Variants in MAOB observed in about 807,000 individuals in gnomAD.
MAOB encodes the protein amine oxidase [flavin-containing] B.
Under a neutral mutation model 41.9 loss-of-function variants are expected in MAOB, and 15 were observed. The ratio of observed to expected loss-of-function variants is 0.36; its 90% CI spans 0.24 to 0.55. MAOB has a LOEUF of 0.55. Among genes scored for constraint, MAOB ranks in the 20% least tolerant of loss-of-function variants. The pLI is 0.86. For synonymous variants in MAOB, 167 were observed against 144.2 expected (o/e 1.16, Z -1.13); for missense variants, 345 against 398.7 (o/e 0.87, Z 1.15).
At chrX:43,800,246 T>C (rs1056412989) in intron 5 of MAOB, among the ~76,000 whole-genome samples, 1 of 111,120 alleles carries the variant, frequency 9.0e-6, no homozygotes, top group Non-Finnish European at 1.9e-5. Flanking sequence ...AAACATATGA[T>C]TGATTTTATC....
intron 7 of MAOB, among the ~76,000 whole-genome samples, chrX:43,795,422 G>A (rs765571645): frequency 2.4e-4 from 27 of 111,541 alleles, no homozygotes; most frequent in Non-Finnish European, 4.3e-4. Flanking sequence ...CCCAGAACTC[G>A]GTCGTTTTGG....
chrX:43,780,756 T>C (rs1486759821), intron 9 of MAOB, among the ~76,000 whole-genome samples: 1 of 111,649 alleles, frequency 9.0e-6, no homozygotes, highest in Admixed American at 9.5e-5. Flanking sequence ...TTTCATCCAG[T>C]CCTTGCTCTT....
chrX:43,788,463 A>C lies in MAOB; in HGVS notation c.928+4956T>G, dbSNP rs1408237107. ...AGGTCTACCCAAATCAATTGACTTG[A>C]TAATTCCATCCTACAGCATTTATCA... On this transcript the variant is annotated intron_variant, in intron 8 of 14. Transcript: ENST00000378069. Among the ~76,000 whole-genome samples, 14 of 112,345 alleles carry C rather than the reference A, an allele frequency of 1.2e-4. No homozygotes were observed. In the Admixed American group the frequency reaches 1.3e-3, roughly 11 times the overall value.
chrX:43,804,190 T>C (rs1417231398), intron 3 of MAOB, among the ~76,000 whole-genome samples: 1 of 111,629 alleles, frequency 9.0e-6, no homozygotes, highest in Non-Finnish European at 1.9e-5. Context: ...TTCAACGGAA[T>C]CAGAATAACT....
At position 43,767,357 on chromosome X, in the gene MAOB, C is replaced by T. The variant is rs942351287; in HGVS notation, c.*109G>A. ...GAGTTGGATTTATCTTCATGCTCCC[C>T]GCCTCACTCCACACTATTTGTCTTC... On this transcript the variant is annotated 3_prime_UTR_variant, in exon 15 of 15. Transcript: ENST00000378069. 7.8e-6 allele frequency: 6 copies of T among 765,053 alleles called. No homozygotes were observed. The highest frequency in any genetic ancestry group is 3.5e-5 in the East Asian group (1 of 28,435). 63.0% of individuals were successfully genotyped at this position (765,053 alleles called of 1,213,427 possible).
chrX:43,783,031 T>C (rs752863967), intron 8 of MAOB, among the ~76,000 whole-genome samples: 27 of 111,728 alleles, frequency 2.4e-4, no homozygotes, highest in Non-Finnish European at 4.3e-4. Flanking sequence ...CCACAGCCAA[T>C]ATCATACTGA....
At chrX:43,829,112 T>C (rs1161287223) in intron 3 of MAOB, among the ~76,000 whole-genome samples, 1 of 111,826 alleles carries the variant, frequency 8.9e-6, no homozygotes, top group Non-Finnish European at 1.9e-5. Flanking sequence ...CCCTTAACAT[T>C]TGCCAACTTT....
At chrX:43,810,499 C>T (rs2034733453) in intron 3 of MAOB, among the ~76,000 whole-genome samples, 1 of 109,867 alleles carries the variant, frequency 9.1e-6, no homozygotes, top group African/African-American at 3.3e-5. Context: ...TTCTCAATTT[C>T]AATTTATAAG....
chrX:43,780,436 T>G (rs769117074), intron 9 of MAOB, 41 bp from the exon 10 acceptor site: 5 of 1,040,931 alleles, frequency 4.8e-6, no homozygotes, highest in Non-Finnish European at 6.7e-6. Context: ...AATTAATGGT[T>G]GGTTTCATCC....
At chrX:43,810,204 C>T (rs1011472319) in intron 3 of MAOB, among the ~76,000 whole-genome samples, 1 of 82,774 alleles carries the variant, frequency 1.2e-5, no homozygotes, top group Non-Finnish European at 2.2e-5. Flanking sequence ...GATCGCGCCA[C>T]TGCACTCCAG....
At chrX:43,833,893 T>C (rs916261230) in intron 3 of MAOB, among the ~76,000 whole-genome samples, 2 of 112,083 alleles carry the variant, frequency 1.8e-5, no homozygotes, top group Admixed American at 9.5e-5. Flanking sequence ...TTTCAGCAAA[T>C]TATTACATGC....
At chrX:43,781,203 T>C (rs1569210809) in intron 9 of MAOB, among the ~76,000 whole-genome samples, 1 of 111,972 alleles carries the variant, frequency 8.9e-6, no homozygotes, top group Non-Finnish European at 1.9e-5. Flanking sequence ...CACTAAATAC[T>C]AATAGAAAAC....
chrX:43,809,380 A>G (rs1202393087), intron 3 of MAOB, among the ~76,000 whole-genome samples: 2 of 112,665 alleles, frequency 1.8e-5, no homozygotes, highest in East Asian at 5.6e-4. Context: ...AGTAAATGGG[A>G]ACCAAACAAT....
At chrX:43,807,237 C>T (rs974480043) in intron 3 of MAOB, among the ~76,000 whole-genome samples, 2 of 112,333 alleles carry the variant, frequency 1.8e-5, no homozygotes, top group African/African-American at 3.2e-5. Context: ...CCATTCTCCA[C>T]GAAGAAGAAG....
chrX:43,858,106 G>T (rs1003565251), intron 1 of MAOB, among the ~76,000 whole-genome samples: 1 of 111,495 alleles, frequency 9.0e-6, no homozygotes, highest in Non-Finnish European at 1.9e-5. Flanking sequence ...AAAGATGGAG[G>T]CTCTTCCTAT....
intron 1 of MAOB, among the ~76,000 whole-genome samples, chrX:43,848,073 G>A (rs1358996638): frequency 8.9e-6 from 1 of 112,365 alleles, no homozygotes; most frequent in Non-Finnish European, 1.9e-5. Context: ...AATCAGTGAT[G>A]TACAACATGA....
At chrX:43,789,984 A>T (rs1022226581) in intron 8 of MAOB, among the ~76,000 whole-genome samples, 2 of 111,932 alleles carry the variant, frequency 1.8e-5, no homozygotes, top group Admixed American at 9.5e-5. Flanking sequence ...CACTGTCTGT[A>T]TCAAAATACA....
chrX:43,845,921 G>C (rs888826862), intron 1 of MAOB, among the ~76,000 whole-genome samples: 1 of 111,663 alleles, frequency 9.0e-6, no homozygotes, highest in East Asian at 2.8e-4. Flanking sequence ...CCCTGTCACC[G>C]GGGGCAGAGC....
rs2034789516 is a variant in MAOB, at chrX:43,814,854, TC to T, written c.280-11451del. ...AAGTTTGACTGCTTTCTAAACACAA[TC>T]AAAATTAATTTATTCTGAAAAAAGT... On this transcript the variant is annotated intron_variant, in intron 3 of 14. Transcript: ENST00000378069. Among the ~76,000 whole-genome samples the T allele has an allele frequency of 8.1e-5, 9 of 111,731 alleles. 1 individual carries two copies. The South Asian group carries it at 3.0e-3, about 37-fold the overall frequency.
Sources: gnomAD v4.1 joint callset for allele counts (sites outside exome capture counted in the v4.1 genomes callset) on GRCh38, gnomAD v4.1.1 for gene constraint, MANE v1.5 for transcripts, NCBI Gene and HGNC (gene_info 2026-07-23, HGNC 2026-07-21) for gene names.